Variants in MAML2 observed in about 807,000 individuals in gnomAD.
MAML2 encodes the protein mastermind like transcriptional coactivator 2, also known as mastermind-like protein 2.
A neutral mutation model predicts 96.1 loss-of-function variants in MAML2; 22 were observed. That is an observed-to-expected ratio of 0.23 (90% CI 0.16 to 0.33). The LOEUF (loss-of-function observed/expected upper bound fraction) is 0.33, where lower values mean the gene tolerates loss of function less well. Ranked by LOEUF, MAML2 falls within the 10% of genes least tolerant of loss-of-function variation. The probability of loss-of-function intolerance (pLI) is 1.00; values close to 1 mark genes in which losing one functional copy is unlikely to be tolerated. For synonymous variants in MAML2, 561 were observed against 521.3 expected, an observed-to-expected ratio of 1.08 and a Z score of -1.04; for missense variants, 1,367 against 1,392.4, an observed-to-expected ratio of 0.98 and a Z score of 0.29.
intron 1 of MAML2, among the ~76,000 whole-genome samples, chr11:96,252,837 A>G (rs1292913296): frequency 6.6e-6 from 1 of 152,174 alleles, no homozygotes; most frequent in Non-Finnish European, 1.5e-5. Context: ...GCTGCCTTTT[A>G]CACAACAACC....
chr11:96,021,444 TG>T (rs1858433962), intron 2 of MAML2, among the ~76,000 whole-genome samples: 2 of 152,218 alleles, frequency 1.3e-5, no homozygotes, highest in African/African-American at 4.8e-5. Flanking sequence ...GGCTACTCAC[TG>T]AATGCCTGCG....
intron 1 of MAML2, among the ~76,000 whole-genome samples, chr11:96,202,368 A>T (rs1257352026): frequency 6.7e-6 from 1 of 149,412 alleles, no homozygotes; most frequent in East Asian, 1.9e-4. Flanking sequence ...AAAAAAAAAA[A>T]TTGATTATGT....
intron 1 of MAML2, among the ~76,000 whole-genome samples, chr11:96,268,582 A>G (rs1327044833): frequency 6.6e-6 from 1 of 152,154 alleles, no homozygotes; most frequent in Admixed American, 6.5e-5. Flanking sequence ...TTGGTATATG[A>G]TATGGTTTGG....
At chr11:96,212,145 G>A (rs970802565) in intron 1 of MAML2, among the ~76,000 whole-genome samples, 6 of 148,002 alleles carry the variant, frequency 4.1e-5, no homozygotes, top group Admixed American at 2.7e-4. Flanking sequence ...GTGTGTGTGT[G>A]TGTGTGGAAG....
intron 1 of MAML2, among the ~76,000 whole-genome samples, chr11:96,333,533 C>T (rs1863879698): frequency 6.6e-6 from 1 of 152,158 alleles, no homozygotes; most frequent in Non-Finnish European, 1.5e-5. Flanking sequence ...TTGCTTTGAA[C>T]CCTTGGCAAC....
intron 2 of MAML2, among the ~76,000 whole-genome samples, chr11:95,997,029 TC>T (rs1434419204): frequency 6.6e-6 from 1 of 152,144 alleles, no homozygotes; most frequent in Non-Finnish European, 1.5e-5. Context: ...AGGTAGTCTT[TC>T]ACATAATAGA....
intron 1 of MAML2, among the ~76,000 whole-genome samples, chr11:96,189,596 T>C (rs1367230345): frequency 6.6e-6 from 1 of 152,252 alleles, no homozygotes; most frequent in Non-Finnish European, 1.5e-5. Context: ...GTTTTTCTTC[T>C]GACAGATTTA....
At chr11:96,055,970 TA>T (rs990760191) in intron 2 of MAML2, among the ~76,000 whole-genome samples, 3 of 152,232 alleles carry the variant, frequency 2.0e-5, no homozygotes, top group South Asian at 2.1e-4. Context: ...ACCTTTTTTT[TA>T]AAAGGGTCTG....
intron 1 of MAML2, among the ~76,000 whole-genome samples, chr11:96,328,519 A>C (rs966517445): frequency 1.5e-4 from 23 of 152,078 alleles, no homozygotes; most frequent in African/African-American, 5.3e-4. Flanking sequence ...CCCAGAGCCT[A>C]AGATGTGATC....
chr11:96,196,326 T>A (rs1422652625), intron 1 of MAML2, among the ~76,000 whole-genome samples: 2 of 152,242 alleles, frequency 1.3e-5, no homozygotes, highest in Admixed American at 6.5e-5. Context: ...TTCAGTCAGC[T>A]TCAGACAAGG....
chr11:96,212,955 G>A (rs141219418), intron 1 of MAML2, among the ~76,000 whole-genome samples: 57 of 152,258 alleles, frequency 3.7e-4, no homozygotes, highest in African/African-American at 1.2e-3. Flanking sequence ...CAGGGCCTCG[G>A]TTTCCTCATC....
intron 1 of MAML2, among the ~76,000 whole-genome samples, chr11:96,229,002 T>A (rs969003157): frequency 6.6e-6 from 1 of 151,704 alleles, no homozygotes; most frequent in Non-Finnish European, 1.5e-5. Context: ...GTCTCTCACC[T>A]CCTGAGGCAT....
chr11:96,326,157 A>G (rs1863775666), intron 1 of MAML2, among the ~76,000 whole-genome samples: 1 of 133,254 alleles, frequency 7.5e-6, no homozygotes, highest in Non-Finnish European at 1.5e-5. Flanking sequence ...TGGTTCAAGG[A>G]CCCAACACAA....
chr11:96,110,579 A>G (rs2135831716), intron 1 of MAML2, among the ~76,000 whole-genome samples: 1 of 152,358 alleles, frequency 6.6e-6, no homozygotes, highest in Non-Finnish European at 1.5e-5. Context: ...GAAGCAGAAA[A>G]GATAAGAAAG....
At chr11:96,098,994 G>T (rs1049587579) in intron 1 of MAML2, among the ~76,000 whole-genome samples, 2 of 151,522 alleles carry the variant, frequency 1.3e-5, no homozygotes, top group Non-Finnish European at 2.9e-5. Context: ...TGCATTCTTT[G>T]TCTCCGGTGC....
intron 1 of MAML2, among the ~76,000 whole-genome samples, chr11:96,313,672 A>G (rs191418865): frequency 6.6e-6 from 1 of 152,310 alleles, no homozygotes; most frequent in Non-Finnish European, 1.5e-5. Flanking sequence ...AGCCAATCCT[A>G]CAAGGCTTTG....
At chr11:96,282,226 G>A (rs1416554110) in intron 1 of MAML2, among the ~76,000 whole-genome samples, 1 of 150,326 alleles carries the variant, frequency 6.7e-6, no homozygotes, top group African/African-American at 2.5e-5. Flanking sequence ...TCCAACCTGG[G>A]CGACAGAGCA....
intron 1 of MAML2, among the ~76,000 whole-genome samples, chr11:96,286,556 A>AT (rs1330393711): frequency 1.3e-5 from 2 of 152,182 alleles, no homozygotes; most frequent in Non-Finnish European, 2.9e-5. Context: ...TAGTATTAGT[A>AT]TATAAGAAGG....
At chr11:96,239,717 T>C (rs558340216) in intron 1 of MAML2, among the ~76,000 whole-genome samples, 27 of 151,754 alleles carry the variant, frequency 1.8e-4, no homozygotes, top group African/African-American at 6.6e-4. Flanking sequence ...GGACATAGAA[T>C]AATAGCACCC....
Sources: gnomAD v4.1 joint callset for allele counts (sites outside exome capture counted in the v4.1 genomes callset) on GRCh38, gnomAD v4.1.1 for gene constraint, MANE v1.5 for transcripts, NCBI Gene and HGNC (gene_info 2026-07-23, HGNC 2026-07-21) for gene names.